Variants in ITPR2 observed in about 807,000 individuals in gnomAD.
ITPR2 encodes the protein inositol 1,4,5-trisphosphate receptor type 2.
A neutral mutation model predicts 317.1 loss-of-function variants in ITPR2; 207 were observed. The ratio of observed to expected loss-of-function variants is 0.65; its 90% CI spans 0.58 to 0.73. The LOEUF (loss-of-function observed/expected upper bound fraction) is 0.73. ITPR2 is among the 30% of genes least tolerant of loss of function. ITPR2 has a pLI of 0.00. For synonymous variants in ITPR2, 1,156 were observed against 1,149.1 expected (o/e 1.01, Z -0.12); for missense variants, 2,613 against 3,284.0 (o/e 0.80, Z 4.99).
At position 26,366,370 on chromosome 12, in the gene ITPR2, T is replaced by C. The variant is rs147518041; in HGVS notation, c.7857+21064A>G. Among the ~76,000 whole-genome samples the C allele has an allele frequency of 3.4e-3, 513 of 152,352 alleles. 1 individual carries two copies. The highest frequency in any genetic ancestry group is 0.012 in the African/African-American group (493 of 41,588). On this transcript the variant is annotated intron_variant, in intron 55 of 56. Coordinates refer to ENST00000381340, the MANE Select transcript of ITPR2 (RefSeq NM_002223.4). ...TTTTAGTTTGATATTTTGATGTGTA[T>C]AGTTATCTGTTTTCCAGAAAGTAGC...
At chr12:26,769,434 A>AT (rs1200590959) in intron 2 of ITPR2, among the ~76,000 whole-genome samples, 1 of 152,168 alleles carries the variant, frequency 6.6e-6, no homozygotes, top group Non-Finnish European at 1.5e-5. Flanking sequence ...CTGGGAAGGA[A>AT]AGGCAGTTGA....
intron 2 of ITPR2, among the ~76,000 whole-genome samples, chr12:26,782,022 ATATATATATAT>A (rs1565759883): frequency 0.061 from 1,842 of 30,262 alleles, 46 homozygotes; most frequent in Non-Finnish European, 0.071. Context: ...ATATATATAT[ATATATATATAT>A]GTATAGAGAG....
chr12:26,486,283 A>G lies in ITPR2; in HGVS notation c.5632T>C (p.Tyr1878His). The G allele has an allele frequency of 1.9e-6, 3 of 1,613,988 alleles. No individual in the cohort carries two copies. The highest frequency in any genetic ancestry group is 2.5e-6 in the Non-Finnish European group (3 of 1,179,880). The stretch of plus-strand genomic sequence containing the variant: ...TCCATTTCTCTTCTGTATACACAAT[A>G]TGCTTTGGATGTTGCTGAAGAAGCT... ...TEASSATSKAYCVYRREMDPE... is the reference protein window; with the variant it reads ...TEASSATSKAHCVYRREMDPE... Residue 1878 changes from tyrosine to histidine, a missense_variant, in exon 41 of 57, where the codon TAT becomes CAT. Tyr to His is a moderately conservative substitution (Grantham distance 83, BLOSUM62 2). Coordinates refer to ENST00000381340, the MANE Select transcript of ITPR2 (RefSeq NM_002223.4).
In ITPR2 at chr12:26,486,251, T is replaced by C. The variant is rs572630397; in HGVS notation, c.5664A>G (p.Glu1888=). 22 of 1,614,218 alleles carry C rather than the reference T, an allele frequency of 1.4e-5. No individual in the cohort carries two copies. In the East Asian group the frequency reaches 4.7e-4, roughly 34 times the overall value. The change falls in exon 41 of 57, where the codon GAA becomes GAG. Residue 1888 remains glutamate (E), a synonymous_variant. Coordinates refer to ENST00000381340, the MANE Select transcript of ITPR2 (RefSeq NM_002223.4). ...YCVYRREMDP[E]IDIMCTGPEA... is the part of the protein sequence containing the mutation. ...CTGGTCCTGTGCACATAATGTCTAT[T>C]TCTGGATCCATTTCTCTTCTGTATA... is the stretch of plus-strand genomic sequence containing the variant.
chr12:26,812,599 A>G (rs2137270650), intron 1 of ITPR2, among the ~76,000 whole-genome samples: 1 of 152,290 alleles, frequency 6.6e-6, no homozygotes, highest in East Asian at 1.9e-4. Flanking sequence ...CCTAATACTA[A>G]TTTTTAAATG....
intron 2 of ITPR2, among the ~76,000 whole-genome samples, chr12:26,785,620 C>A (rs1412672866): frequency 1.4e-4 from 5 of 36,232 alleles, no homozygotes; most frequent in Non-Finnish European, 2.7e-4. Context: ...GGTCAGCCCC[C>A]TGCCCAGCCA....
At chr12:26,355,928 A>C (rs1938624395) in intron 55 of ITPR2, among the ~76,000 whole-genome samples, 1 of 152,216 alleles carries the variant, frequency 6.6e-6, no homozygotes, top group East Asian at 1.9e-4. Context: ...CCTTGCATTC[A>C]GACTAAACTT....
intron 26 of ITPR2, among the ~76,000 whole-genome samples, chr12:26,610,605 A>G (rs1946240442): frequency 6.6e-6 from 1 of 152,204 alleles, no homozygotes; most frequent in Admixed American, 6.5e-5. Flanking sequence ...GCAAACTATA[A>G]TTCAAACTCC....
chr12:26,434,235 C>T (rs528082436), intron 48 of ITPR2, among the ~76,000 whole-genome samples: 2 of 152,238 alleles, frequency 1.3e-5, no homozygotes, highest in South Asian at 4.2e-4. Flanking sequence ...TCTTCAGCCT[C>T]AGTTTCTTCA....
At chr12:26,421,249 C>T (rs534395917) in intron 49 of ITPR2, 7 of 152,200 alleles carry the variant, frequency 4.6e-5, no homozygotes, top group African/African-American at 1.7e-4. Context: ...TAAAGATTTG[C>T]CTTCTTTGTT....
intron 13 of ITPR2, among the ~76,000 whole-genome samples, chr12:26,667,734 T>C (rs1451663461): frequency 1.3e-5 from 2 of 152,252 alleles, no homozygotes; most frequent in African/African-American, 2.4e-5. Flanking sequence ...TTTTATTTTT[T>C]AAATTAGTAA....
chr12:26,481,638 A>G (rs1942546809), intron 42 of ITPR2, among the ~76,000 whole-genome samples: 1 of 152,218 alleles, frequency 6.6e-6, no homozygotes, highest in Non-Finnish European at 1.5e-5. Flanking sequence ...CATTTATGAA[A>G]GACATGTGTC....
chr12:26,733,201 C>T (rs983913417), intron 2 of ITPR2, among the ~76,000 whole-genome samples: 2 of 151,842 alleles, frequency 1.3e-5, no homozygotes, highest in South Asian at 2.1e-4. Context: ...GTAATCCCAG[C>T]CACTCAAGAG....
intron 43 of ITPR2, among the ~76,000 whole-genome samples, chr12:26,478,976 A>G (rs1043602230): frequency 1.3e-5 from 2 of 151,968 alleles, no homozygotes; most frequent in Non-Finnish European, 1.5e-5. Context: ...TTAATATGGT[A>G]TCTTTTTAAT....
intron 55 of ITPR2, among the ~76,000 whole-genome samples, chr12:26,380,959 T>C (rs1939491593): frequency 1.3e-5 from 2 of 152,340 alleles, no homozygotes; most frequent in African/African-American, 4.8e-5. Context: ...AGTATGACCT[T>C]TCTTTTTAAG....
chr12:26,472,164 C>T (rs1942304931), intron 45 of ITPR2, among the ~76,000 whole-genome samples: 1 of 152,164 alleles, frequency 6.6e-6, no homozygotes, highest in South Asian at 2.1e-4. Flanking sequence ...GAAATGACTC[C>T]TTGTGTCACT....
At position 26,645,423 on chromosome 12, in the gene ITPR2, C is replaced by G. The variant is rs1462104885; in HGVS notation, c.2740+8553G>C. 3.9e-5 allele frequency among the ~76,000 whole-genome samples: 6 copies of G among 152,052 alleles called. No individual in the cohort carries two copies. In the East Asian group the frequency reaches 1.2e-3, roughly 29 times the overall value. ...TGACTTGAGTGTGTGATTTGGATGG[C>G]CAGAAGGTGTAGGGAGAAAGGAACC... On this transcript the variant is annotated intron_variant, in intron 21 of 56. Transcript: ENST00000381340.
chr12:26,656,526 T>C lies in ITPR2; in HGVS notation c.2215A>G (p.Arg739Gly). The change falls in exon 19 of 57, where the codon AGG (arginine) becomes GGG (glycine). Residue 739 changes from arginine (R) to glycine (G), a missense_variant. Physicochemically the swap from Arg to Gly is moderately radical, Grantham distance 125. Coordinates refer to ENST00000381340, the MANE Select transcript of ITPR2 (RefSeq NM_002223.4). ...AGATACTGGCGATCCAAGCACATCCTTGCAAAGAGGTTTAGCTGGTACCTT... is the reference window on the plus strand; with the variant it reads ...AGATACTGGCGATCCAAGCACATCCCTGCAAAGAGGTTTAGCTGGTACCTT... The part of the protein sequence containing the change: ...YYRYQLNLFA[R>G]MCLDRQYLAI... The C allele has an allele frequency of 1.2e-6, 2 of 1,614,222 alleles. No individual in the cohort carries two copies. The highest frequency in any genetic ancestry group is 8.5e-7 in the Non-Finnish European group (1 of 1,180,040).
chr12:26,690,597 T>G (rs1301122812), intron 10 of ITPR2, among the ~76,000 whole-genome samples: 1 of 152,206 alleles, frequency 6.6e-6, no homozygotes, highest in Non-Finnish European at 1.5e-5. Context: ...CCTGCATTTA[T>G]CCCTCTTTTA....
Sources: allele counts gnomAD v4.1 joint callset (sites outside exome capture counted in the v4.1 genomes callset), GRCh38; gene constraint gnomAD v4.1.1; transcripts MANE v1.5; gene names NCBI Gene and HGNC (gene_info 2026-07-23, HGNC 2026-07-21).